The following SEPTIN9 variants were observed in gnomAD, a reference collection of about 807,000 sequenced individuals.
SEPTIN9 encodes septin-9.
A neutral mutation model predicts 56.6 loss-of-function variants in SEPTIN9; 13 were observed. That is an observed-to-expected ratio of 0.23 (90% CI 0.15 to 0.37). SEPTIN9 has a LOEUF of 0.37. Ranked by LOEUF, SEPTIN9 falls within the 10% of genes least tolerant of loss-of-function variation. SEPTIN9 has a pLI of 1.00. For missense variants in SEPTIN9, 650 were observed against 823.1 expected (o/e 0.79, Z 2.57); for synonymous variants, 332 against 334.1 (o/e 0.99, Z 0.07).
At chr17:77,336,949 C>G (rs999810326) in intron 2 of SEPTIN9, among the ~76,000 whole-genome samples, 8 of 140,764 alleles carry the variant, frequency 5.7e-5, no homozygotes, top group Non-Finnish European at 7.7e-5. Flanking sequence ...ATTGTTTTGT[C>G]TTTTATTCGT....
intron 2 of SEPTIN9, among the ~76,000 whole-genome samples, chr17:77,393,809 C>T (rs2035619707): frequency 6.6e-6 from 1 of 152,182 alleles, no homozygotes. Flanking sequence ...TGGTCTCGAA[C>T]TCCTGACCTC....
Position 77,475,839 on chromosome 17 carries a change from C to T in SEPTIN9, c.722-6305C>T. On this transcript the variant is annotated intron_variant, in intron 3 of 11. Transcript: ENST00000427177. The surrounding 1 kb of genome is among the most constrained non-coding windows in gnomAD (Gnocchi z 4.6). ...GTGGCCTGGTCAGTGGCTTCACAGG[C>T]CTCCGTGGGCAGGAGGAGGATGACC... is the stretch of plus-strand genomic sequence containing the variant. 6.2e-7 allele frequency: 1 copy of T among 1,613,540 alleles called. No individual in the cohort carries two copies. Among genetic ancestry groups the T allele is most frequent in the African/African-American group, 1.3e-5 (1 of 75,048 alleles).
rs1317590528 is a variant in SEPTIN9 at position 77,327,204 on chromosome 17, C to G, written c.76+20007C>G. On this transcript the variant is annotated intron_variant, in intron 2 of 11. Transcript: ENST00000427177. This position sits in a 1 kb window ranked among gnomAD's most constrained non-coding sequence, Gnocchi z 5.0. The stretch of plus-strand genomic sequence containing the variant: ...TCCTGGGACCCCTCCGGCCCCACCA[C>G]CCCTCCTGTAGTGGTCTCGCTGGCT... 6.6e-6 allele frequency among the ~76,000 whole-genome samples: 1 copy of G among 152,128 alleles called. No individual in the cohort carries two copies. The highest frequency in any genetic ancestry group is 1.5e-5 in the Non-Finnish European group (1 of 68,024).
chr17:77,289,407 CTTT>C (rs572213399), intron 1 of SEPTIN9, among the ~76,000 whole-genome samples: 1 of 102,520 alleles, frequency 9.8e-6, no homozygotes, highest in Non-Finnish European at 2.0e-5. Context: ...TGCATTTATG[CTTT>C]TTTTTTTTTT....
At chr17:77,464,057 T>A (rs928505356) in intron 3 of SEPTIN9, among the ~76,000 whole-genome samples, 61 of 147,828 alleles carry the variant, frequency 4.1e-4, no homozygotes, top group African/African-American at 1.6e-3. Context: ...AGGAACAATT[T>A]AAAAAATTTT....
chr17:77,456,925 C>T lies in SEPTIN9; in HGVS notation c.722-25219C>T, dbSNP rs534438262. 5.3e-5 allele frequency among the ~76,000 whole-genome samples: 8 copies of T among 152,252 alleles called. No homozygotes were observed. The highest frequency in any genetic ancestry group is 9.6e-5 in the African/African-American group (4 of 41,470). The stretch of plus-strand genomic sequence containing the variant: ...GCCAGTACCAGGTCTCAGGGACCAG[C>T]GCTGGGACCCTGGATGACTGAAGGA... On this transcript the variant is annotated intron_variant, in intron 3 of 11. Transcript: ENST00000427177. This position sits in a 1 kb window ranked among gnomAD's most constrained non-coding sequence, Gnocchi z 6.0.
At chr17:77,466,424 A>G (rs993790195) in intron 3 of SEPTIN9, 2 of 985,388 alleles carry the variant, frequency 2.0e-6, no homozygotes. Context: ...GGGAGGGGAC[A>G]GGCTCCCACC....
chr17:77,438,829 G>T (rs1379221655), intron 3 of SEPTIN9, among the ~76,000 whole-genome samples: 1 of 152,216 alleles, frequency 6.6e-6, no homozygotes, highest in Non-Finnish European at 1.5e-5. Flanking sequence ...TATCCCGGAA[G>T]AATTAGGATA....
At chr17:77,495,210 G>T (rs1212051254) in intron 10 of SEPTIN9, among the ~76,000 whole-genome samples, 1 of 152,196 alleles carries the variant, frequency 6.6e-6, no homozygotes, top group Non-Finnish European at 1.5e-5. Flanking sequence ...TCTCTGACCT[G>T]TGCGTTGTTG....
At position 77,492,297 on chromosome 17, in the gene SEPTIN9, T is replaced by C. The variant is rs1598471105; in HGVS notation, c.1381-324T>C. Among the ~76,000 whole-genome samples the C allele has an allele frequency of 6.6e-6, 1 of 151,452 alleles. No individual in the cohort carries two copies. The highest frequency in any genetic ancestry group is 2.4e-5 in the African/African-American group (1 of 41,168). The stretch of plus-strand genomic sequence containing the variant: ...TGTGACGAGGGTTTTTTAGGAAGGG[T>C]TTCAGGAGGGGAGGTCTCGGTAACC... On this transcript the variant is annotated intron_variant, in intron 8 of 11. Transcript: ENST00000427177. This position sits in a 1 kb window ranked among gnomAD's most constrained non-coding sequence, Gnocchi z 5.4.
intron 2 of SEPTIN9, among the ~76,000 whole-genome samples, chr17:77,347,699 A>G (rs1281663590): frequency 7.2e-5 from 11 of 152,146 alleles, no homozygotes; most frequent in African/African-American, 2.4e-4. Context: ...CAGTTTTTCA[A>G]CTTTACCATG....
In SEPTIN9 at chr17:77,450,420, C is replaced by T. The variant is rs567084231; in HGVS notation, c.722-31724C>T. 36 of 949,486 alleles carry T rather than the reference C, an allele frequency of 3.8e-5. No homozygotes were observed. In the South Asian group the frequency reaches 7.3e-4, roughly 19 times the overall value. The allele number at this position is 949,486 out of a possible 1,614,324, so 58.8% of individuals were successfully genotyped here. A position where few individuals can be genotyped will look rare whatever the true frequency, so the allele number is the denominator to read the frequency against. ...CCTCAGAAGGTGTCACCAAAGGCTT[C>T]TTTCCATTTGAGTGAATCCCTCCCA... On this transcript the variant is annotated intron_variant, in intron 3 of 11. Coordinates refer to ENST00000427177, the MANE Select transcript of SEPTIN9 (RefSeq NM_001113491.2). The surrounding 1 kb of genome is among the most constrained non-coding windows in gnomAD (Gnocchi z 6.0).
chr17:77,283,340 C>G (rs1222616348), intron 1 of SEPTIN9, among the ~76,000 whole-genome samples: 1 of 152,006 alleles, frequency 6.6e-6, no homozygotes, highest in African/African-American at 2.4e-5. Context: ...TTCTGGTTTG[C>G]TCCCTGCTTG....
At chr17:77,411,397 CTTTTTTT>C (rs55741267) in intron 3 of SEPTIN9, among the ~76,000 whole-genome samples, 4 of 142,174 alleles carry the variant, frequency 2.8e-5, no homozygotes, top group Non-Finnish European at 4.6e-5. Flanking sequence ...TTTTCTTTTT[CTTTTTTT>C]TTTTTTTTGA....
At chr17:77,307,291 G>A in intron 2 of SEPTIN9, 94 bp downstream of exon 2, 2 of 1,174,444 alleles carry the variant, frequency 1.7e-6, no homozygotes. Context: ...CTCCCCACCT[G>A]GCTTCCCTGG....
At position 77,313,052 on chromosome 17, in the gene SEPTIN9, G is replaced by A. The variant is rs113132827; in HGVS notation, c.76+5855G>A. 1.4e-3 allele frequency among the ~76,000 whole-genome samples: 211 copies of A among 152,152 alleles called. No homozygotes were observed. The highest frequency in any genetic ancestry group is 4.7e-3 in the African/African-American group (196 of 41,504). On this transcript the variant is annotated intron_variant, in intron 2 of 11. Coordinates refer to ENST00000427177, the MANE Select transcript of SEPTIN9 (RefSeq NM_001113491.2). This position sits in a 1 kb window ranked among gnomAD's most constrained non-coding sequence, Gnocchi z 4.5. ...CAAATTCATTGTTTATCCAGTGAACGGTTACTGGGCACCTACTGAGCAAGC... is the reference window on the plus strand; with the variant it reads ...CAAATTCATTGTTTATCCAGTGAACAGTTACTGGGCACCTACTGAGCAAGC...
intron 2 of SEPTIN9, among the ~76,000 whole-genome samples, chr17:77,362,120 C>T (rs1193627814): frequency 1.3e-5 from 2 of 152,266 alleles, no homozygotes; most frequent in Non-Finnish European, 2.9e-5. Context: ...AATCGATGCC[C>T]CGTATCGGAG....
rs1258502756 is a variant in SEPTIN9, at chr17:77,371,387, TG to T, written c.77-30671del. 1.3e-5 allele frequency among the ~76,000 whole-genome samples: 2 copies of T among 152,232 alleles called. No homozygotes were observed. Among genetic ancestry groups the T allele is most frequent in the Non-Finnish European group, 2.9e-5 (2 of 68,040 alleles). Reference sequence around the variant, plus strand: ...TGGAGATGGAGAATGTACAATTGGCTGACCCTGTGCTAATCTGGTGGAACTC... The same window carrying T: ...TGGAGATGGAGAATGTACAATTGGCTACCCTGTGCTAATCTGGTGGAACTC... On this transcript the variant is annotated intron_variant, in intron 2 of 11. Transcript: ENST00000427177. This position sits in a 1 kb window ranked among gnomAD's most constrained non-coding sequence, Gnocchi z 4.1.
At chr17:77,416,005 A>G (rs1164699720) in intron 3 of SEPTIN9, among the ~76,000 whole-genome samples, 4 of 152,262 alleles carry the variant, frequency 2.6e-5, no homozygotes, top group Non-Finnish European at 4.4e-5. Context: ...GTATTTTTCA[A>G]TATCGAAATG....
Sources: allele counts gnomAD v4.1 joint callset (sites outside exome capture counted in the v4.1 genomes callset), GRCh38; gene constraint gnomAD v4.1.1; non-coding constraint Gnocchi (gnomAD v3.1); transcripts MANE v1.5; gene names NCBI Gene and HGNC (gene_info 2026-07-23, HGNC 2026-07-21).